Variants in WDR88 observed in about 807,000 individuals in gnomAD.
WDR88 encodes WD repeat domain 88.
A neutral mutation model predicts 46.8 loss-of-function variants in WDR88; 40 were observed. The ratio of observed to expected loss-of-function variants is 0.86; its 90% CI spans 0.66 to 1.11. The LOEUF (loss-of-function observed/expected upper bound fraction) is 1.11. Ranked by LOEUF, WDR88 falls within the 50% of genes most tolerant of loss-of-function variation. The pLI, the probability that WDR88 is intolerant of heterozygous loss-of-function variation, is 0.00. For missense variants in WDR88, 562 were observed against 602.4 expected (o/e 0.93, Z 0.70); for synonymous variants, 235 against 240.7 (o/e 0.98, Z 0.22).
At chr19:33,164,314 G>A in intron 9 of WDR88, 49 bp downstream of exon 9, 1 of 1,547,516 alleles carries the variant, frequency 6.5e-7, no homozygotes, top group Non-Finnish European at 8.9e-7. Context: ...CAGGATTGGT[G>A]ATAGTGGAAG....
At chr19:33,144,303 G>A (rs1423280043) in intron 2 of WDR88, among the ~76,000 whole-genome samples, 2 of 152,248 alleles carry the variant, frequency 1.3e-5, no homozygotes, top group South Asian at 4.1e-4. Flanking sequence ...GGGTTCAAGC[G>A]ATTCTCCTGC....
intron 5 of WDR88, among the ~76,000 whole-genome samples, chr19:33,150,414 G>A (rs1028123113): frequency 2.6e-5 from 4 of 152,176 alleles, no homozygotes; most frequent in African/African-American, 9.7e-5. Flanking sequence ...GCGCCTCTGC[G>A]CTCCAGCCCA....
chr19:33,167,192 A>C (rs998350521), intron 9 of WDR88, among the ~76,000 whole-genome samples: 2 of 152,196 alleles, frequency 1.3e-5, no homozygotes, highest in Non-Finnish European at 2.9e-5. Context: ...AAAATCCAAC[A>C]GTACATTAAA....
chr19:33,148,922 C>T lies in WDR88; in HGVS notation c.679+12C>T, dbSNP rs767380977. Reference sequence around the variant, plus strand: ...TTCCGTCATCAAAGGTGAGGGTGTGCGGGCTCCCTGTATCTTCAGTCTGCC... The same window carrying T: ...TTCCGTCATCAAAGGTGAGGGTGTGTGGGCTCCCTGTATCTTCAGTCTGCC... On this transcript the variant is annotated intron_variant, in intron 5 of 10. Coordinates refer to ENST00000355868, the MANE Select transcript of WDR88 (RefSeq NM_173479.4). 5.9e-5 allele frequency: 95 copies of T among 1,613,596 alleles called. No homozygotes were observed. The highest frequency in any genetic ancestry group is 3.8e-4 in the Admixed American group (23 of 59,974).
chr19:33,141,227 G>GTTTTTTTTTTTTTTTTTTTTTTTTTTT (rs745987290), intron 2 of WDR88, among the ~76,000 whole-genome samples: 2 of 113,402 alleles, frequency 1.8e-5, no homozygotes, highest in African/African-American at 8.2e-5. Context: ...GTGGGAGCAT[G>GTTTTTTTTTTTTTTTTTTTTTTTTTTT]TTTTTTTTTT....
chr19:33,174,805 C>G (rs1974096662), intron 10 of WDR88: 1 of 985,068 alleles, frequency 1.0e-6, no homozygotes, highest in African/African-American at 1.8e-5. Context: ...TCCTCAGGAC[C>G]CCCATGGCAG....
chr19:33,135,005 T>A (rs930384976), intron 1 of WDR88, among the ~76,000 whole-genome samples: 2 of 129,030 alleles, frequency 1.6e-5, no homozygotes, highest in Non-Finnish European at 3.3e-5. Flanking sequence ...CCCCCACACT[T>A]CCGCAGCTCA....
chr19:33,164,098 A>C, intron 8 of WDR88, 99 bp from the exon 9 acceptor site: 1 of 1,139,466 alleles, frequency 8.8e-7, no homozygotes, highest in Non-Finnish European at 1.3e-6. Flanking sequence ...GCTTCCCAAA[A>C]GGCAGGTTAC....
intron 1 of WDR88, among the ~76,000 whole-genome samples, chr19:33,133,214 A>AGAG (rs1568355906): frequency 2.4e-5 from 3 of 126,712 alleles, no homozygotes; most frequent in African/African-American, 3.8e-5. Flanking sequence ...GAGAGAGAGA[A>AGAG]AGAAAGAAAG....
chr19:33,137,852 G>A lies in WDR88; in HGVS notation c.387+65G>A. On this transcript the variant is annotated intron_variant, in intron 2 of 10. Transcript: ENST00000355868. ...TTTCCTAAGCTTAGGCACCTCCTGTGTCGAGTTCCCCAGCACTGAACTCAC... is the reference window on the plus strand; with the variant it reads ...TTTCCTAAGCTTAGGCACCTCCTGTATCGAGTTCCCCAGCACTGAACTCAC... 5 of 1,395,526 alleles carry A rather than the reference G, an allele frequency of 3.6e-6. No individual in the cohort carries two copies. The South Asian group carries it at 3.6e-5, about 10-fold the overall frequency. The allele number at this position is 1,395,526 out of a possible 1,614,324, so 86.4% of individuals were successfully genotyped here. A position where few individuals can be genotyped will look rare whatever the true frequency, so the allele number is the denominator to read the frequency against.
chr19:33,171,268 G>A (rs913639637), intron 9 of WDR88, among the ~76,000 whole-genome samples: 1 of 152,312 alleles, frequency 6.6e-6, no homozygotes, highest in East Asian at 1.9e-4. Flanking sequence ...TTACTGGTGT[G>A]AGCCACCATG....
chr19:33,157,834 A>T (rs1387906120), intron 7 of WDR88, among the ~76,000 whole-genome samples: 1 of 150,768 alleles, frequency 6.6e-6, no homozygotes, highest in African/African-American at 2.4e-5. Context: ...TGATGGTGCC[A>T]GAACAAGTCC....
chr19:33,175,311 A>G (rs1974104348), intron 10 of WDR88, 85 bp from the exon 11 acceptor site: 13 of 1,377,580 alleles, frequency 9.4e-6, no homozygotes, highest in South Asian at 1.3e-5. Flanking sequence ...CCCCAGCTCA[A>G]GGTAGCTGGG....
Position 33,133,230 on chromosome 19 carries a change from G to A in WDR88, c.276+785G>A, listed in dbSNP as rs898284457. On this transcript the variant is annotated intron_variant, in intron 1 of 10. Coordinates refer to ENST00000355868, the MANE Select transcript of WDR88 (RefSeq NM_173479.4). ...AGAGAGAGAAAGAAAGAAAGAAAAA[G>A]AAAAAGAAAGAAAGAAGGAGAAAGA... Among the ~76,000 whole-genome samples the A allele has an allele frequency of 2.7e-5, 4 of 146,046 alleles. No individual in the cohort carries two copies. The South Asian group carries it at 6.4e-4, about 23-fold the overall frequency.
At chr19:33,145,699 T>G (rs1973498090) in intron 3 of WDR88, among the ~76,000 whole-genome samples, 1 of 152,000 alleles carries the variant, frequency 6.6e-6, no homozygotes, top group South Asian at 2.1e-4. Flanking sequence ...CACAGCTGGC[T>G]AATTTTTTTA....
At chr19:33,148,024 G>T (rs1257190901) in intron 4 of WDR88, among the ~76,000 whole-genome samples, 6 of 151,952 alleles carry the variant, frequency 3.9e-5, no homozygotes, top group African/African-American at 1.5e-4. Context: ...GGGGTGGGGT[G>T]TGGGGGCTGG....
chr19:33,157,716 TATATATATATATATATATATAA>T (rs1568367769), intron 7 of WDR88, among the ~76,000 whole-genome samples: 2,220 of 45,524 alleles, frequency 0.049, 230 homozygotes, highest in African/African-American at 0.15. Flanking sequence ...TATATATATA[TATATATATATATATATATATAA>T]AATTAAAGAG....
rs756772481 is a variant in WDR88, at chr19:33,156,557, T to C, written c.997+15T>C. The C allele has an allele frequency of 6.2e-7, 1 of 1,607,198 alleles. No individual in the cohort carries two copies. The highest frequency in any genetic ancestry group is 2.2e-5 in the East Asian group (1 of 44,766). On this transcript the variant is annotated intron_variant, in intron 7 of 10. Coordinates refer to ENST00000355868, the MANE Select transcript of WDR88 (RefSeq NM_173479.4). ...TGCCAGAGACAGTGAGTAATTAACATGCAGAAGGCCTCCATTCCTGTGGGA... is the reference window on the plus strand; with the variant it reads ...TGCCAGAGACAGTGAGTAATTAACACGCAGAAGGCCTCCATTCCTGTGGGA...
intron 9 of WDR88, among the ~76,000 whole-genome samples, chr19:33,166,138 C>T (rs909375631): frequency 6.6e-6 from 1 of 151,664 alleles, no homozygotes; most frequent in Non-Finnish European, 1.5e-5. Flanking sequence ...TGGTGTGTGG[C>T]TGTAGTCCCA....
Sources: gnomAD v4.1 joint callset for allele counts (sites outside exome capture counted in the v4.1 genomes callset) on GRCh38, gnomAD v4.1.1 for gene constraint, MANE v1.5 for transcripts, NCBI Gene and HGNC (gene_info 2026-07-23, HGNC 2026-07-21) for gene names.